Variants in CACNA1E observed in about 807,000 individuals in gnomAD.
CACNA1E encodes calcium voltage-gated channel subunit alpha1 E.
Under a neutral mutation model 259.2 loss-of-function variants are expected in CACNA1E, and 40 were observed. The ratio of observed to expected loss-of-function variants is 0.15; its 90% CI spans 0.12 to 0.20. CACNA1E has a LOEUF of 0.20. CACNA1E is among the 10% of genes least tolerant of loss of function. The pLI, the probability that CACNA1E is intolerant of heterozygous loss-of-function variation, is 1.00. For synonymous variants in CACNA1E, 1,104 were observed against 1,138.5 expected, an observed-to-expected ratio of 0.97 and a Z score of 0.61; for missense variants, 1,874 against 3,040.1, an observed-to-expected ratio of 0.62 and a Z score of 9.02.
intron 6 of CACNA1E, among the ~76,000 whole-genome samples, chr1:181,581,286 GAA>G (rs879468697): frequency 4.6e-5 from 7 of 152,090 alleles, no homozygotes; most frequent in Non-Finnish European, 8.8e-5. Context: ...GGTCATTTTA[GAA>G]AAGTCATTGA....
At position 181,800,816 on chromosome 1, in the gene CACNA1E, C is replaced by T. The variant is rs1010857806; in HGVS notation, c.*1982C>T. On this transcript the variant is annotated 3_prime_UTR_variant, in exon 48 of 48. Coordinates refer to ENST00000367573, the MANE Select transcript of CACNA1E (RefSeq NM_001205293.3). The stretch of plus-strand genomic sequence containing the variant: ...TGGAGAATCATTTGTCATGGCCCCG[C>T]CTTCTCTTCTGATACTAATGGAGCT... 1 of 152,684 alleles carries T rather than the reference C, an allele frequency of 6.5e-6. No homozygotes were observed. The highest frequency in any genetic ancestry group is 1.9e-4 in the East Asian group (1 of 5,194). 9.5% of individuals were successfully genotyped at this position (152,684 alleles called of 1,614,324 possible).
At chr1:181,734,851 C>T (rs1319727032) in intron 21 of CACNA1E, among the ~76,000 whole-genome samples, 3 of 150,938 alleles carry the variant, frequency 2.0e-5, no homozygotes, top group Admixed American at 6.6e-5. Context: ...CCCATCCCTG[C>T]GCTGACCCCA....
chr1:181,561,683 A>G (rs773319936), intron 3 of CACNA1E, among the ~76,000 whole-genome samples: 28 of 152,188 alleles, frequency 1.8e-4, no homozygotes, highest in Non-Finnish European at 5.9e-5. Context: ...TTTATTCACC[A>G]ATCGAGGGAC....
chr1:181,385,920 C>T (rs2102015259), intron 1 of CACNA1E, among the ~76,000 whole-genome samples: 1 of 152,004 alleles, frequency 6.6e-6, no homozygotes, highest in Middle Eastern at 3.4e-3. Flanking sequence ...TCTTATTCCT[C>T]ATAATTTTGA....
intron 2 of CACNA1E, among the ~76,000 whole-genome samples, chr1:181,418,823 C>G (rs1219394845): frequency 6.6e-6 from 1 of 151,874 alleles, no homozygotes; most frequent in Non-Finnish European, 1.5e-5. Flanking sequence ...GTCCAAGCAC[C>G]TTTTATTATT....
In CACNA1E at chr1:181,798,624, T is replaced by C. The variant is rs772935722; in HGVS notation, c.6732T>C (p.Cys2244=). 2.5e-6 allele frequency: 4 copies of C among 1,612,692 alleles called. No individual in the cohort carries two copies. Among genetic ancestry groups the C allele is most frequent in the Non-Finnish European group, 3.4e-6 (4 of 1,179,312 alleles). ...ACGAAGACTCCCACGCCTCAGACTGTGGTGAGGAGGAGACGCTCACTTTCG... is the reference window on the plus strand; with the variant it reads ...ACGAAGACTCCCACGCCTCAGACTGCGGTGAGGAGGAGACGCTCACTTTCG... ...ALHEDSHASD[C]GEEETLTFEA... Residue 2244 remains cysteine (C), a synonymous_variant, in exon 48 of 48, where the codon TGT becomes TGC. Transcript: ENST00000367573. The surrounding 1 kb of genome is among the most constrained non-coding windows in gnomAD (Gnocchi z 4.2).
chr1:181,514,457 G>T (rs1331691810), intron 3 of CACNA1E, among the ~76,000 whole-genome samples: 1 of 152,198 alleles, frequency 6.6e-6, no homozygotes, highest in African/African-American at 2.4e-5. Flanking sequence ...GCAGGAGTCA[G>T]AATTGTGCCT....
chr1:181,504,151 A>G (rs1485050119), intron 1 of CACNA1E, among the ~76,000 whole-genome samples: 2 of 152,166 alleles, frequency 1.3e-5, no homozygotes, highest in East Asian at 3.9e-4. Flanking sequence ...TCTTGGATTT[A>G]GACATCCAAA....
At chr1:181,649,707 A>G (rs925857448) in intron 6 of CACNA1E, among the ~76,000 whole-genome samples, 1 of 152,242 alleles carries the variant, frequency 6.6e-6, no homozygotes, top group African/African-American at 2.4e-5. Flanking sequence ...TTGCAGGAAC[A>G]TGGATGGAGC....
At chr1:181,581,685 G>A (rs980619971) in intron 6 of CACNA1E, among the ~76,000 whole-genome samples, 2 of 152,180 alleles carry the variant, frequency 1.3e-5, no homozygotes, top group Non-Finnish European at 1.5e-5. Flanking sequence ...AAAAATGAGA[G>A]TGACTTGAGG....
At chr1:181,343,408 T>A (rs1033896592) in intron 1 of CACNA1E, among the ~76,000 whole-genome samples, 7 of 151,684 alleles carry the variant, frequency 4.6e-5, no homozygotes, top group African/African-American at 1.7e-4. Context: ...CTAGTTCACG[T>A]GAGATCTGGT....
chr1:181,577,201 T>C (rs17496048), intron 3 of CACNA1E, among the ~76,000 whole-genome samples: 69,020 of 151,994 alleles, frequency 0.45, 16,523 homozygotes, highest in East Asian at 0.66. Flanking sequence ...CAAAGAGTGG[T>C]TTGTGCAATT....
rs370848766 is a variant in CACNA1E at position 181,687,163 on chromosome 1, G to A, written c.1056-23791G>A. On this transcript the variant is annotated intron_variant, in intron 7 of 47. Coordinates refer to ENST00000367573, the MANE Select transcript of CACNA1E (RefSeq NM_001205293.3). The stretch of plus-strand genomic sequence containing the variant: ...ACCATCTAACCTCCAGTGGCAGATG[G>A]GAGCCGAGACCCTGGAGTCATTGGG... Among the ~76,000 whole-genome samples, 12 of 152,262 alleles carry A rather than the reference G, an allele frequency of 7.9e-5. No individual in the cohort carries two copies. The South Asian group carries it at 2.5e-3, about 32-fold the overall frequency.
chr1:181,689,542 G>A (rs1270531768), intron 7 of CACNA1E, among the ~76,000 whole-genome samples: 1 of 152,158 alleles, frequency 6.6e-6, no homozygotes, highest in Admixed American at 6.5e-5. Flanking sequence ...CTAGATCCTT[G>A]AGGAATTGCC....
At chr1:181,386,223 T>C (rs1316780879) in intron 1 of CACNA1E, among the ~76,000 whole-genome samples, 1 of 152,162 alleles carries the variant, frequency 6.6e-6, no homozygotes, top group East Asian at 1.9e-4. Flanking sequence ...AGACCTCTTC[T>C]TATCCAAGGG....
chr1:181,537,021 T>G (rs1441543694), intron 3 of CACNA1E, among the ~76,000 whole-genome samples: 1 of 151,968 alleles, frequency 6.6e-6, no homozygotes, highest in Non-Finnish European at 1.5e-5. Context: ...TGGGAGCACT[T>G]GTGGTGACAT....
intron 3 of CACNA1E, among the ~76,000 whole-genome samples, chr1:181,535,588 C>G (rs1246906723): frequency 6.6e-6 from 1 of 152,052 alleles, no homozygotes; most frequent in African/African-American, 2.4e-5. Flanking sequence ...TACACCCATA[C>G]CCATGCACAT....
intron 7 of CACNA1E, 127 bp downstream of exon 7, chr1:181,651,568 T>G: frequency 1.6e-6 from 1 of 641,306 alleles, no homozygotes; most frequent in Non-Finnish European, 2.8e-6. Context: ...GCAGTTCCTC[T>G]GTGCCAAATG....
chr1:181,363,869 C>T (rs571799826), intron 1 of CACNA1E, among the ~76,000 whole-genome samples: 12 of 152,274 alleles, frequency 7.9e-5, no homozygotes, highest in East Asian at 1.9e-4. Flanking sequence ...GACTTCACTA[C>T]GGATAGGAGA....
Sources: gnomAD v4.1 joint callset for allele counts (sites outside exome capture counted in the v4.1 genomes callset) on GRCh38, gnomAD v4.1.1 for gene constraint, Gnocchi (gnomAD v3.1) non-coding constraint, MANE v1.5 for transcripts, NCBI Gene and HGNC (gene_info 2026-07-23, HGNC 2026-07-21) for gene names.